STXBP4: variants seen among roughly 807,000 people sequenced by gnomAD.
STXBP4 encodes syntaxin-binding protein 4.
In STXBP4, 55 loss-of-function variants were observed where a neutral mutation model predicts 76.1. That is an observed-to-expected ratio of 0.72 (90% CI 0.58 to 0.91). The LOEUF is 0.91. Ranked by LOEUF, STXBP4 falls within the 40% of genes least tolerant of loss-of-function variation. The pLI is 0.00. For synonymous variants in STXBP4, 201 were observed against 220.2 expected (o/e 0.91, Z 0.77); for missense variants, 618 against 636.9 (o/e 0.97, Z 0.32).
intron 17 of STXBP4, among the ~76,000 whole-genome samples, chr17:55,148,226 G>A (rs1254566925): frequency 6.6e-6 from 1 of 152,134 alleles, no homozygotes; most frequent in Non-Finnish European, 1.5e-5. Context: ...TTGCAAGTAG[G>A]GAAGAATGGC....
At chr17:55,081,446 G>A (rs572310595) in intron 16 of STXBP4, among the ~76,000 whole-genome samples, 6 of 152,194 alleles carry the variant, frequency 3.9e-5, no homozygotes, top group South Asian at 2.1e-4. Flanking sequence ...AAATCAATCC[G>A]CAGCAGCACT....
intron 8 of STXBP4, among the ~76,000 whole-genome samples, chr17:55,020,609 G>A (rs1188220568): frequency 6.6e-6 from 1 of 152,108 alleles, no homozygotes; most frequent in Non-Finnish European, 1.5e-5. Flanking sequence ...CTTGAGGAAA[G>A]GAGTTCGAGA....
chr17:55,072,669 T>C (rs1361756189), intron 12 of STXBP4, among the ~76,000 whole-genome samples: 2 of 152,136 alleles, frequency 1.3e-5, no homozygotes, highest in African/African-American at 2.4e-5. Context: ...TTATGCTAGG[T>C]ATATGAAGTC....
At position 55,167,853 on chromosome 17, in the gene STXBP4, C is replaced by G. The variant is rs2080384385; in HGVS notation, c.*7942C>G. ...TGGAGAAATTCATCTTTCATCAGCACACACGAGAAGAGACAACAGGAAGAC... is the reference window on the plus strand; with the variant it reads ...TGGAGAAATTCATCTTTCATCAGCAGACACGAGAAGAGACAACAGGAAGAC... On this transcript the variant is annotated 3_prime_UTR_variant, in exon 18 of 18. Coordinates refer to ENST00000376352, the MANE Select transcript of STXBP4 (RefSeq NM_178509.6). 1 of 152,066 alleles carries G rather than the reference C, an allele frequency of 6.6e-6. No homozygotes were observed. Among genetic ancestry groups the G allele is most frequent in the Non-Finnish European group, 1.5e-5 (1 of 68,020 alleles). The allele number at this position is 152,066 out of a possible 1,614,324, so 9.4% of individuals were successfully genotyped here.
At chr17:55,084,283 A>T (rs1051230031) in intron 16 of STXBP4, among the ~76,000 whole-genome samples, 8 of 152,006 alleles carry the variant, frequency 5.3e-5, no homozygotes, top group African/African-American at 9.7e-5. Flanking sequence ...TGTCTTCTTT[A>T]GAGAAGTGTC....
At chr17:55,191,346 G>A in the STXBP4 span, among the ~76,000 whole-genome samples, 2 of 152,112 alleles carry the variant, frequency 1.3e-5, no homozygotes, top group Non-Finnish European at 2.9e-5. Context: ...TGGGACCTGA[G>A]ATTCTGCATT....
intron 1 of STXBP4, among the ~76,000 whole-genome samples, chr17:54,984,339 CTTTTTTTTT>C (rs60222961): frequency 9.9e-5 from 8 of 81,200 alleles, no homozygotes; most frequent in African/African-American, 2.0e-4. Flanking sequence ...TTTCTTTTTT[CTTTTTTTTT>C]TTTTTTTTTT....
At chr17:55,038,891 G>C (rs903514624) in intron 10 of STXBP4, among the ~76,000 whole-genome samples, 1 of 151,996 alleles carries the variant, frequency 6.6e-6, no homozygotes, top group Non-Finnish European at 1.5e-5. Flanking sequence ...AAGTGAAATA[G>C]AACAAAATGG....
chr17:55,083,115 CA>C (rs1357281282), intron 16 of STXBP4, among the ~76,000 whole-genome samples: 1 of 151,790 alleles, frequency 6.6e-6, no homozygotes, highest in Non-Finnish European at 1.5e-5. Flanking sequence ...TAGCTGAGAC[CA>C]CAGGTGTACA....
At chr17:55,090,609 CAT>C (rs1178568395) in intron 16 of STXBP4, among the ~76,000 whole-genome samples, 1 of 152,068 alleles carries the variant, frequency 6.6e-6, no homozygotes, top group Non-Finnish European at 1.5e-5. Flanking sequence ...AAATGTATAA[CAT>C]ATATAATGTG....
At chr17:55,140,162 G>T (rs866270559) in intron 16 of STXBP4, among the ~76,000 whole-genome samples, 1 of 151,968 alleles carries the variant, frequency 6.6e-6, no homozygotes, top group Admixed American at 6.6e-5. Context: ...AAAAAGATTA[G>T]TCAGGAATGG....
intron 12 of STXBP4, among the ~76,000 whole-genome samples, chr17:55,065,952 C>T (rs1000131836): frequency 6.6e-6 from 1 of 152,110 alleles, no homozygotes; most frequent in African/African-American, 2.4e-5. Flanking sequence ...ACCTGTTTTT[C>T]TTCCAAAAGC....
chr17:55,202,614 AT>A, the STXBP4 span, among the ~76,000 whole-genome samples: 2 of 152,134 alleles, frequency 1.3e-5, no homozygotes, highest in Non-Finnish European at 1.5e-5. Flanking sequence ...TGCCAATTCT[AT>A]GCTCTTTCTA....
chr17:55,026,929 G>A (rs542815750), intron 8 of STXBP4, among the ~76,000 whole-genome samples: 4 of 152,288 alleles, frequency 2.6e-5, no homozygotes, highest in African/African-American at 9.6e-5. Context: ...GGTGTGGCCT[G>A]AAAGCCTAGG....
the STXBP4 span, among the ~76,000 whole-genome samples, chr17:55,203,199 A>G: frequency 6.6e-6 from 1 of 152,076 alleles, no homozygotes; most frequent in Non-Finnish European, 1.5e-5. Context: ...TCCTAATCCT[A>G]TCAGGTTTTT....
chr17:55,022,305 T>A (rs1197353900), intron 8 of STXBP4, among the ~76,000 whole-genome samples: 1 of 152,162 alleles, frequency 6.6e-6, no homozygotes, highest in African/African-American at 2.4e-5. Flanking sequence ...TCTGTTATTT[T>A]TTTTTTTTAT....
chr17:55,154,700 T>C (rs2080257403), intron 17 of STXBP4, among the ~76,000 whole-genome samples: 1 of 152,140 alleles, frequency 6.6e-6, no homozygotes, highest in Non-Finnish European at 1.5e-5. Context: ...TGGATATTAT[T>C]TGAAAAAATG....
chr17:55,210,891 CA>C, the STXBP4 span, among the ~76,000 whole-genome samples: 4 of 152,162 alleles, frequency 2.6e-5, no homozygotes, highest in African/African-American at 9.7e-5. Context: ...CCACCATAGT[CA>C]GGCATAAATC....
chr17:55,044,915 A>T (rs1381516076), intron 11 of STXBP4: 1 of 151,798 alleles, frequency 6.6e-6, no homozygotes, highest in Non-Finnish European at 1.5e-5. Context: ...GTTAATATAC[A>T]CAGATCTACC....
Sources: gnomAD v4.1 joint callset for allele counts (sites outside exome capture counted in the v4.1 genomes callset) on GRCh38, gnomAD v4.1.1 for gene constraint, MANE v1.5 for transcripts, NCBI Gene and HGNC (gene_info 2026-07-23, HGNC 2026-07-21) for gene names.